Variants in PRKG1 observed in about 807,000 individuals in gnomAD.
The protein encoded by PRKG1 is cGMP-dependent protein kinase 1.
A neutral mutation model predicts 88.1 loss-of-function variants in PRKG1; 35 were observed. The ratio of observed to expected loss-of-function variants is 0.40; its 90% CI spans 0.30 to 0.53. PRKG1 has a LOEUF of 0.53. PRKG1 is among the 20% of genes least tolerant of loss of function. PRKG1 has a pLI of 0.59. For missense variants in PRKG1, 540 were observed against 839.8 expected, an observed-to-expected ratio of 0.64 and a Z score of 4.41; for synonymous variants, 303 against 292.5, an observed-to-expected ratio of 1.04 and a Z score of -0.37.
intron 3 of PRKG1, among the ~76,000 whole-genome samples, chr10:51,502,056 TAAAC>T (rs937264610): frequency 2.6e-5 from 4 of 152,098 alleles, no homozygotes; most frequent in Admixed American, 6.6e-5. Flanking sequence ...AAACCACAAA[TAAAC>T]AAAAAAATAC....
At chr10:52,151,808 G>A (rs1464542683) in intron 8 of PRKG1, among the ~76,000 whole-genome samples, 1 of 152,126 alleles carries the variant, frequency 6.6e-6, no homozygotes, top group Non-Finnish European at 1.5e-5. Context: ...TATCACCTGA[G>A]ATTTGATTCT....
chr10:52,022,979 C>G (rs1589527425), intron 5 of PRKG1, among the ~76,000 whole-genome samples: 1 of 152,114 alleles, frequency 6.6e-6, no homozygotes, highest in East Asian at 1.9e-4. Flanking sequence ...AGGTTTATTA[C>G]ATAGGTATAC....
At chr10:52,133,785 A>T in intron 7 of PRKG1, 55 bp from the exon 8 acceptor site, 1 of 1,418,980 alleles carries the variant, frequency 7.0e-7, no homozygotes, top group Non-Finnish European at 9.9e-7. Context: ...CACAATGGAC[A>T]CTGTGCTTTG....
chr10:51,212,956 C>T (rs1178277719), intron 2 of PRKG1, among the ~76,000 whole-genome samples: 1 of 152,122 alleles, frequency 6.6e-6, no homozygotes, highest in Non-Finnish European at 1.5e-5. Context: ...CCAGCCATGC[C>T]ATTACTGGGT....
chr10:51,846,033 T>C (rs771413943), intron 4 of PRKG1, among the ~76,000 whole-genome samples: 6 of 152,124 alleles, frequency 3.9e-5, no homozygotes, highest in Non-Finnish European at 7.4e-5. Context: ...ACCCTTAATT[T>C]TGAACAACAT....
At chr10:52,072,738 CTTCAACTCTCAAT>C (rs1283577658) in intron 7 of PRKG1, among the ~76,000 whole-genome samples, 1 of 152,152 alleles carries the variant, frequency 6.6e-6, no homozygotes, top group African/African-American at 2.4e-5. Flanking sequence ...TAACTCTCAA[CTTCAACTCTCAAT>C]CTGCTTCTCA....
At chr10:51,462,720 T>C (rs1308365477) in intron 2 of PRKG1, among the ~76,000 whole-genome samples, 1 of 152,190 alleles carries the variant, frequency 6.6e-6, no homozygotes, top group Non-Finnish European at 1.5e-5. Context: ...CCAGGAGCGA[T>C]AAAAGAGCTA....
chr10:51,107,524 G>A (rs1015642553), intron 1 of PRKG1, among the ~76,000 whole-genome samples: 6 of 152,038 alleles, frequency 3.9e-5, no homozygotes, highest in Admixed American at 6.6e-5. Context: ...CTAAAAGTTA[G>A]TTCTTTGATA....
intron 2 of PRKG1, among the ~76,000 whole-genome samples, chr10:51,289,520 A>T (rs1456993060): frequency 6.6e-6 from 1 of 152,110 alleles, no homozygotes; most frequent in East Asian, 1.9e-4. Context: ...TAATACCTTT[A>T]AGGAGTATCT....
chr10:51,833,123 C>T (rs1159836603), intron 4 of PRKG1, among the ~76,000 whole-genome samples: 3 of 152,120 alleles, frequency 2.0e-5, no homozygotes, highest in Non-Finnish European at 4.4e-5. Flanking sequence ...TCATGAATGG[C>T]AACAAATCTG....
At chr10:51,443,633 T>G (rs1254122465) in intron 2 of PRKG1, among the ~76,000 whole-genome samples, 1 of 152,056 alleles carries the variant, frequency 6.6e-6, no homozygotes. Context: ...GATCCACAAA[T>G]GTGGACTTTA....
chr10:51,209,806 G>A (rs1007281231), intron 2 of PRKG1, among the ~76,000 whole-genome samples: 1 of 152,120 alleles, frequency 6.6e-6, no homozygotes, highest in East Asian at 1.9e-4. Flanking sequence ...TGTTTCCTGA[G>A]AACAATTCCC....
rs1374243395 is a variant in PRKG1, at chr10:52,133,785, A to C, written c.936-55A>C. On this transcript the variant is annotated intron_variant, in intron 7 of 17. Transcript: ENST00000373980. ...TTTTCCTGAATTAATCACAATGGAC[A>C]CTGTGCTTTGATATTAAAGGTTATT... 1.1e-5 allele frequency: 16 copies of C among 1,418,980 alleles called. No homozygotes were observed. In the Admixed American group the frequency reaches 1.7e-4, roughly 15 times the overall value. 87.9% of individuals were successfully genotyped at this position (1,418,980 alleles called of 1,614,324 possible). A position where few individuals can be genotyped will look rare whatever the true frequency, so the allele number is the denominator to read the frequency against.
chr10:51,604,693 C>G (rs1838709314), intron 3 of PRKG1, among the ~76,000 whole-genome samples: 1 of 152,214 alleles, frequency 6.6e-6, no homozygotes, highest in Non-Finnish European at 1.5e-5. Flanking sequence ...GGGTGTGGCT[C>G]ACTTCTTCGG....
At chr10:52,222,813 T>G (rs575663810) in intron 9 of PRKG1, among the ~76,000 whole-genome samples, 2 of 152,192 alleles carry the variant, frequency 1.3e-5, no homozygotes, top group African/African-American at 2.4e-5. Flanking sequence ...GTGCTGTTGA[T>G]AGGAAAACAT....
chr10:51,918,337 T>A (rs1300405550), intron 5 of PRKG1, among the ~76,000 whole-genome samples: 1 of 152,036 alleles, frequency 6.6e-6, no homozygotes, highest in Non-Finnish European at 1.5e-5. Context: ...TGACTTATTT[T>A]TTTTTTATTT....
Position 52,288,833 on chromosome 10 carries a change from T to A in PRKG1, c.1817T>A (p.Ile606Asn). ...ATTGCCAAAAATGCTGCTAATTTAA[T>A]TAAAAAACTATGCAGGTAAGTATTT... ...KKIAKNAANL[I>N]KKLCRDNPSE... The change falls in exon 15 of 18, where the codon ATT (isoleucine) becomes AAT (asparagine). Residue 606 changes from isoleucine to asparagine, a missense_variant. Around this residue, in one of 5 missense-constraint regions of PRKG1, gnomAD observed 97 missense variants for 210.6 expected, o/e 0.46. Coordinates refer to ENST00000373980, the MANE Select transcript of PRKG1 (RefSeq NM_006258.4). The A allele has an allele frequency of 6.2e-7, 1 of 1,603,522 alleles. No individual in the cohort carries two copies. The highest frequency in any genetic ancestry group is 8.5e-7 in the Non-Finnish European group (1 of 1,175,856).
chr10:51,065,086 A>T (rs894852265), intron 1 of PRKG1, among the ~76,000 whole-genome samples: 5 of 152,128 alleles, frequency 3.3e-5, no homozygotes, highest in African/African-American at 9.7e-5. Context: ...AATTGAAAGC[A>T]TCTGCTTTCG....
At chr10:51,999,877 A>G (rs765465828) in intron 5 of PRKG1, among the ~76,000 whole-genome samples, 2 of 152,158 alleles carry the variant, frequency 1.3e-5, no homozygotes, top group Non-Finnish European at 2.9e-5. Flanking sequence ...AAGTTAAACA[A>G]CAATAATAGC....
Sources: allele counts gnomAD v4.1 joint callset (sites outside exome capture counted in the v4.1 genomes callset), GRCh38; gene constraint gnomAD v4.1.1; regional missense constraint gnomAD v4.1.1; transcripts MANE v1.5; gene names NCBI Gene and HGNC (gene_info 2026-07-23, HGNC 2026-07-21).